The following FAM13A variants were observed in gnomAD, a reference collection of about 807,000 sequenced individuals.
FAM13A encodes family with sequence similarity 13 member A.
Under a neutral mutation model 129.6 loss-of-function variants are expected in FAM13A, and 76 were observed. The observed-to-expected ratio is 0.59, with a 90% CI of 0.49 to 0.71. The LOEUF (loss-of-function observed/expected upper bound fraction) is 0.71, where lower values mean the gene tolerates loss of function less well. FAM13A is among the 30% of genes least tolerant of loss of function. The probability of loss-of-function intolerance (pLI) is 0.00; values close to 1 mark genes in which losing one functional copy is unlikely to be tolerated. For synonymous variants in FAM13A, 443 were observed against 449.9 expected (o/e 0.98, Z 0.20); for missense variants, 1,108 against 1,249.3 (o/e 0.89, Z 1.70).
At chr4:88,974,972 T>C (rs548234378) in intron 4 of FAM13A, among the ~76,000 whole-genome samples, 3 of 152,324 alleles carry the variant, frequency 2.0e-5, no homozygotes, top group African/African-American at 7.2e-5. Context: ...CCCAAAGGCA[T>C]GAACCATGTT....
rs185091213 is a variant in FAM13A at position 88,848,222 on chromosome 4, G to A, written c.1007+2798C>T. 2.1e-3 allele frequency among the ~76,000 whole-genome samples: 327 copies of A among 152,184 alleles called. 1 individual carries two copies. Among genetic ancestry groups the A allele is most frequent in the Non-Finnish European group, 3.7e-3 (254 of 68,010 alleles). ...CTCTCCACCATGCAGAAGGTGTCCTGCCTAGCACTGTTTGTTCACATAAGC... is the reference window on the plus strand; with the variant it reads ...CTCTCCACCATGCAGAAGGTGTCCTACCTAGCACTGTTTGTTCACATAAGC... On this transcript the variant is annotated intron_variant, in intron 7 of 23. Coordinates refer to ENST00000264344, the MANE Select transcript of FAM13A (RefSeq NM_014883.4).
At chr4:88,742,866 T>C (rs952129982) in intron 19 of FAM13A, among the ~76,000 whole-genome samples, 116 of 152,286 alleles carry the variant, frequency 7.6e-4, no homozygotes, top group African/African-American at 2.6e-3. Flanking sequence ...GAATGGTAAA[T>C]TGCAGAATTC....
chr4:88,796,549 G>A (rs1028474745), intron 8 of FAM13A, among the ~76,000 whole-genome samples: 3 of 151,924 alleles, frequency 2.0e-5, no homozygotes, highest in Non-Finnish European at 4.4e-5. Flanking sequence ...ATATGTATAA[G>A]TCCTATATTT....
chr4:88,821,753 G>A (rs950807120), intron 7 of FAM13A, among the ~76,000 whole-genome samples: 1 of 152,122 alleles, frequency 6.6e-6, no homozygotes, highest in Non-Finnish European at 1.5e-5. Flanking sequence ...CTGAGTTCAC[G>A]TAGAAAAATT....
At chr4:89,048,022 AT>A (rs1228869530) in intron 1 of FAM13A, among the ~76,000 whole-genome samples, 1 of 152,206 alleles carries the variant, frequency 6.6e-6, no homozygotes, top group East Asian at 1.9e-4. Flanking sequence ...TAGAACCCTC[AT>A]TCATCACTGG....
chr4:88,749,119 G>T, intron 16 of FAM13A, 86 bp from the exon 17 acceptor site: 1 of 966,876 alleles, frequency 1.0e-6, no homozygotes, highest in Non-Finnish European at 1.7e-6. Flanking sequence ...GTTTTAAATA[G>T]GAAGGAAAAG....
intron 7 of FAM13A, among the ~76,000 whole-genome samples, chr4:88,822,430 TA>T (rs1004662218): frequency 3.3e-5 from 5 of 152,214 alleles, no homozygotes; most frequent in South Asian, 4.1e-4. Flanking sequence ...TAAGCAGTTT[TA>T]AAAAATGCTA....
intron 3 of FAM13A, among the ~76,000 whole-genome samples, chr4:89,010,830 A>C (rs1221347502): frequency 6.6e-6 from 1 of 151,840 alleles, no homozygotes; most frequent in Non-Finnish European, 1.5e-5. Flanking sequence ...AAAACCTCTG[A>C]CTTTTCTTAC....
intron 2 of FAM13A, among the ~76,000 whole-genome samples, chr4:89,028,535 T>TA (rs1207615610): frequency 6.6e-6 from 1 of 151,458 alleles, no homozygotes; most frequent in Non-Finnish European, 1.5e-5. Context: ...AAAATAAAAA[T>TA]AAAAAAATCA....
At chr4:88,988,247 C>T (rs559158289) in intron 4 of FAM13A, among the ~76,000 whole-genome samples, 188 of 152,206 alleles carry the variant, frequency 1.2e-3, no homozygotes, top group Middle Eastern at 3.4e-3. Context: ...GGTGTGCACA[C>T]ATGGAAGGAC....
intron 1 of FAM13A, 112 bp from the exon 2 acceptor site, chr4:89,029,761 C>A (rs1159197298): frequency 2.3e-6 from 2 of 853,262 alleles, no homozygotes; most frequent in Admixed American, 2.5e-5. Flanking sequence ...TAGTTGTGGT[C>A]TTATTTTTAC....
Position 88,728,493 on chromosome 4 carries a change from C to T in FAM13A, c.*40G>A, listed in dbSNP as rs182426402. On this transcript the variant is annotated 3_prime_UTR_variant, in exon 24 of 24. Coordinates refer to ENST00000264344, the MANE Select transcript of FAM13A (RefSeq NM_014883.4). ...GCACTTTCTCTGGGGACAGTAAACT[C>T]TCACCGCAGCTGCCAGCCCCCTGTG... 4.0e-4 allele frequency: 639 copies of T among 1,612,770 alleles called. 3 individuals are homozygous for T. In the African/African-American group the frequency reaches 8.1e-3, roughly 20 times the overall value.
intron 6 of FAM13A, among the ~76,000 whole-genome samples, chr4:88,902,038 C>A (rs1245118230): frequency 1.3e-5 from 2 of 151,906 alleles, no homozygotes; most frequent in African/African-American, 4.8e-5. Context: ...ACACATACAC[C>A]CTCCCAAGAC....
chr4:88,891,860 C>T (rs994031896), intron 6 of FAM13A, among the ~76,000 whole-genome samples: 1 of 152,082 alleles, frequency 6.6e-6, no homozygotes, highest in Admixed American at 6.6e-5. Flanking sequence ...CAGTAATAAG[C>T]AGATATATAA....
intron 7 of FAM13A, 36 bp from the exon 8 acceptor site, chr4:88,805,088 C>A: frequency 1.8e-6 from 2 of 1,101,866 alleles, no homozygotes; most frequent in South Asian, 2.6e-5. Flanking sequence ...AATATAATGT[C>A]TGTTAATATG....
At chr4:88,921,967 A>G (rs1046585281) in intron 5 of FAM13A, among the ~76,000 whole-genome samples, 150 of 152,158 alleles carry the variant, frequency 9.9e-4, no homozygotes, top group Middle Eastern at 3.4e-3. Context: ...CCATTACATA[A>G]TGGTAAAGGG....
intron 8 of FAM13A, among the ~76,000 whole-genome samples, chr4:88,801,970 A>G (rs1182840755): frequency 6.6e-6 from 1 of 152,056 alleles, no homozygotes; most frequent in African/African-American, 2.4e-5. Flanking sequence ...GCAGCAACAG[A>G]TCCTAGACAG....
chr4:88,795,365 A>G (rs977925064), intron 8 of FAM13A, among the ~76,000 whole-genome samples: 3 of 151,826 alleles, frequency 2.0e-5, no homozygotes, highest in African/African-American at 7.2e-5. Context: ...AATTTATTCT[A>G]ACAAATCAAA....
intron 7 of FAM13A, among the ~76,000 whole-genome samples, chr4:88,827,619 T>C (rs759587164): frequency 6.6e-6 from 1 of 152,214 alleles, no homozygotes; most frequent in Non-Finnish European, 1.5e-5. Flanking sequence ...ATTATTCCCT[T>C]TGTGAATCAG....
Sources: allele counts gnomAD v4.1 joint callset (sites outside exome capture counted in the v4.1 genomes callset), GRCh38; gene constraint gnomAD v4.1.1; transcripts MANE v1.5; gene names NCBI Gene and HGNC (gene_info 2026-07-23, HGNC 2026-07-21).